FRMD5: variants seen among roughly 807,000 people sequenced by gnomAD.
FRMD5 encodes FERM domain containing 5.
In FRMD5, 20 loss-of-function variants were observed where a neutral mutation model predicts 69.0. The ratio of observed to expected loss-of-function variants is 0.29; its 90% CI spans 0.20 to 0.42. FRMD5 has a LOEUF of 0.42. Among genes scored for constraint, FRMD5 ranks in the 10% least tolerant of loss-of-function variants. The pLI is 1.00. For missense variants in FRMD5, 595 were observed against 708.6 expected (o/e 0.84, Z 1.82); for synonymous variants, 271 against 260.1 (o/e 1.04, Z -0.40).
In FRMD5 at chr15:43,873,531, G is replaced by GTAAT; in HGVS notation, c.*350_*353dup. 2.9e-6 allele frequency: 4 copies of GTAAT among 1,393,390 alleles called. No individual in the cohort carries two copies. Among genetic ancestry groups the GTAAT allele is most frequent in the Middle Eastern group, 2.7e-4 (1 of 3,744 alleles). The allele number at this position is 1,393,390 out of a possible 1,614,324, so 86.3% of individuals were successfully genotyped here. A position where few individuals can be genotyped will look rare whatever the true frequency, so the allele number is the denominator to read the frequency against. ...CTAGGTGATACTACTGCAATAATCA[G>GTAAT]TAATAGTAAAATAAATTATTTTTAT... is the stretch of plus-strand genomic sequence containing the variant. On this transcript the variant is annotated 3_prime_UTR_variant, in exon 14 of 14. Transcript: ENST00000417257.
chr15:44,163,181 C>A (rs1595541974), intron 1 of FRMD5, among the ~76,000 whole-genome samples: 1 of 149,110 alleles, frequency 6.7e-6, no homozygotes, highest in East Asian at 1.9e-4. Context: ...CTCAAAAAAA[C>A]AAAACAAAAA....
At chr15:44,150,514 T>C (rs1328903417) in intron 1 of FRMD5, among the ~76,000 whole-genome samples, 1 of 151,922 alleles carries the variant, frequency 6.6e-6, no homozygotes, top group Non-Finnish European at 1.5e-5. Context: ...GTGTGATGGC[T>C]GACTCCTGTA....
intron 1 of FRMD5, among the ~76,000 whole-genome samples, chr15:44,150,537 T>C (rs1186273835): frequency 1.3e-5 from 2 of 151,830 alleles, no homozygotes; most frequent in Admixed American, 6.6e-5. Flanking sequence ...CTCAGTGCTT[T>C]GAGAGGCCGA....
chr15:44,161,932 G>A (rs1372494662), intron 1 of FRMD5, among the ~76,000 whole-genome samples: 1 of 152,094 alleles, frequency 6.6e-6, no homozygotes, highest in Non-Finnish European at 1.5e-5. Flanking sequence ...TTAGGTAGAG[G>A]TATTTCCTTG....
chr15:43,976,160 C>T (rs2090459737), intron 1 of FRMD5, among the ~76,000 whole-genome samples: 1 of 144,144 alleles, frequency 6.9e-6, no homozygotes, highest in Non-Finnish European at 1.5e-5. Context: ...AAATGTACAA[C>T]ATAAAACAAT....
At chr15:43,889,116 A>T (rs960452234) in intron 8 of FRMD5, among the ~76,000 whole-genome samples, 1 of 152,244 alleles carries the variant, frequency 6.6e-6, no homozygotes, top group Non-Finnish European at 1.5e-5. Context: ...TTTCGGGCTT[A>T]TCAACAGTGG....
At chr15:43,908,710 C>T (rs1437652031) in intron 5 of FRMD5, among the ~76,000 whole-genome samples, 2 of 152,054 alleles carry the variant, frequency 1.3e-5, no homozygotes, top group African/African-American at 2.4e-5. Flanking sequence ...GAGAAGGGGA[C>T]GTGTGTGAAG....
At chr15:43,960,985 T>C (rs955304667) in intron 1 of FRMD5, among the ~76,000 whole-genome samples, 2 of 151,724 alleles carry the variant, frequency 1.3e-5, no homozygotes, top group African/African-American at 4.8e-5. Flanking sequence ...ACATCACAAT[T>C]AAAAGAACTA....
In FRMD5 at chr15:43,878,669, C is replaced by A. The variant is rs187964121; in HGVS notation, c.1136-4207G>T. ...CTCCTTTCCCAGGCAGTCCTCAGCCCCATTGCATAGGGCGCCTGCCACCCT... is the reference window on the plus strand; with the variant it reads ...CTCCTTTCCCAGGCAGTCCTCAGCCACATTGCATAGGGCGCCTGCCACCCT... On this transcript the variant is annotated intron_variant, in intron 13 of 13. Transcript: ENST00000417257. 1.8e-3 allele frequency among the ~76,000 whole-genome samples: 277 copies of A among 152,300 alleles called. 1 individual carries two copies. Among genetic ancestry groups the A allele is most frequent in the Non-Finnish European group, 1.3e-3 (89 of 68,028 alleles).
At chr15:44,121,687 T>C (rs996023815) in intron 1 of FRMD5, among the ~76,000 whole-genome samples, 1 of 151,768 alleles carries the variant, frequency 6.6e-6, no homozygotes, top group Non-Finnish European at 1.5e-5. Flanking sequence ...AAAAACTCCT[T>C]ATATGACAGT....
chr15:43,949,405 C>A (rs918256518), intron 1 of FRMD5, among the ~76,000 whole-genome samples: 2 of 152,204 alleles, frequency 1.3e-5, no homozygotes, highest in African/African-American at 2.4e-5. Flanking sequence ...TAATTATTCA[C>A]AAACATATTC....
chr15:43,923,783 G>A (rs1411193245), intron 2 of FRMD5, among the ~76,000 whole-genome samples: 1 of 152,202 alleles, frequency 6.6e-6, no homozygotes, highest in Non-Finnish European at 1.5e-5. Context: ...AAAGGCCCGC[G>A]CTGGTTTGGC....
At position 43,924,410 on chromosome 15, in the gene FRMD5, G is replaced by C. The variant is rs1389211824; in HGVS notation, c.103-101C>G. ...AAAGTTGTTTGTAACTGTTGCATGT[G>C]TCTATGAAAGGGGTGAATGTCCATA... On this transcript the variant is annotated intron_variant, in intron 1 of 13. Coordinates refer to ENST00000417257, the MANE Select transcript of FRMD5 (RefSeq NM_032892.5). 4 of 759,758 alleles carry C rather than the reference G, an allele frequency of 5.3e-6. No individual in the cohort carries two copies. The Admixed American group carries it at 9.1e-5, about 17-fold the overall frequency. 47.1% of individuals were successfully genotyped at this position (759,758 alleles called of 1,614,324 possible).
chr15:44,085,118 A>C (rs1894144646), intron 1 of FRMD5, among the ~76,000 whole-genome samples: 1 of 152,170 alleles, frequency 6.6e-6, no homozygotes, highest in Non-Finnish European at 1.5e-5. Flanking sequence ...AATTGCAACA[A>C]TCAGTTTGTT....
chr15:43,966,916 G>A (rs1261764495), intron 1 of FRMD5, among the ~76,000 whole-genome samples: 1 of 152,088 alleles, frequency 6.6e-6, no homozygotes, highest in Non-Finnish European at 1.5e-5. Flanking sequence ...TTACAGAGGG[G>A]CAGGAAGAAC....
chr15:43,961,363 G>A (rs2090197503), intron 1 of FRMD5, among the ~76,000 whole-genome samples: 1 of 152,130 alleles, frequency 6.6e-6, no homozygotes, highest in African/African-American at 2.4e-5. Flanking sequence ...GGAAGAAGTT[G>A]AATCTCTGAA....
chr15:44,148,609 C>G (rs1216372058), intron 1 of FRMD5, among the ~76,000 whole-genome samples: 2 of 151,934 alleles, frequency 1.3e-5, no homozygotes, highest in African/African-American at 4.8e-5. Flanking sequence ...TGTGGCAATC[C>G]TGTGTCAAGC....
intron 1 of FRMD5, among the ~76,000 whole-genome samples, chr15:44,140,874 C>CTG (rs72168005): frequency 5.4e-4 from 1 of 1,858 alleles, no homozygotes; most frequent in Non-Finnish European, 3.5e-3. Context: ...CAGAGTGAGA[C>CTG]TGTCTCAAAA....
intron 1 of FRMD5, among the ~76,000 whole-genome samples, chr15:44,061,786 T>G (rs1893098303): frequency 6.6e-6 from 1 of 152,234 alleles, no homozygotes; most frequent in Non-Finnish European, 1.5e-5. Context: ...AATGGCGAGA[T>G]GCATTAACAT....
Sources: gnomAD v4.1 joint callset for allele counts (sites outside exome capture counted in the v4.1 genomes callset) on GRCh38, gnomAD v4.1.1 for gene constraint, MANE v1.5 for transcripts, NCBI Gene and HGNC (gene_info 2026-07-23, HGNC 2026-07-21) for gene names.